ADAT2: variants seen among roughly 807,000 people sequenced by gnomAD.
ADAT2 encodes the protein tRNA-specific adenosine-34 deaminase catalytic subunit ADAT2.
ADAT2 carries 26 observed loss-of-function variants against 25.9 expected under a neutral mutation model. That is an observed-to-expected ratio of 1.00 (90% confidence interval 0.74 to 1.39). The LOEUF is 1.39. ADAT2 is among the 40% of genes most tolerant of loss of function. The pLI is 0.00. For missense variants in ADAT2, 220 were observed against 244.8 expected (o/e 0.90, Z 0.68); for synonymous variants, 76 against 86.8 (o/e 0.88, Z 0.69).
chr6:143,447,963 A>G (rs1386658118), intron 1 of ADAT2, among the ~76,000 whole-genome samples: 3 of 152,224 alleles, frequency 2.0e-5, no homozygotes, highest in Non-Finnish European at 4.4e-5. Flanking sequence ...TTATTGAGGC[A>G]CTATTCACAA....
In ADAT2 at chr6:143,440,704, T is replaced by C. The variant is rs540936571; in HGVS notation, c.97-2010A>G. ...TTGGTTAATATAGACAAATGCACCA[T>C]AGGCTACTATAGAGAAGAAAGCCAG... On this transcript the variant is annotated intron_variant, in intron 1 of 5. Coordinates refer to ENST00000237283, the MANE Select transcript of ADAT2 (RefSeq NM_182503.3). The surrounding 1 kb of genome is among the most constrained non-coding windows in gnomAD (Gnocchi z 4.5). Among the ~76,000 whole-genome samples, 5 of 152,154 alleles carry C rather than the reference T, an allele frequency of 3.3e-5. No homozygotes were observed. Among genetic ancestry groups the C allele is most frequent in the South Asian group, 2.1e-4 (1 of 4,828 alleles).
At position 143,434,672 on chromosome 6, in the gene ADAT2, G is replaced by A. The variant is rs1779215709; in HGVS notation, c.202-691C>T. ...CCCCATATGTAAAATGGTATACACTGGTATCTACACTTATAAACCTTATAA... is the reference window on the plus strand; with the variant it reads ...CCCCATATGTAAAATGGTATACACTAGTATCTACACTTATAAACCTTATAA... On this transcript the variant is annotated intron_variant, in intron 2 of 5. Coordinates refer to ENST00000237283, the MANE Select transcript of ADAT2 (RefSeq NM_182503.3). This position sits in a 1 kb window ranked among gnomAD's most constrained non-coding sequence, Gnocchi z 4.5. 2.0e-5 allele frequency among the ~76,000 whole-genome samples: 3 copies of A among 152,106 alleles called. No homozygotes were observed. Among genetic ancestry groups the A allele is most frequent in the Admixed American group, 2.0e-4 (3 of 15,272 alleles).
In ADAT2 at chr6:143,444,380, T is replaced by C. The variant is rs1476365666; in HGVS notation, c.97-5686A>G. Among the ~76,000 whole-genome samples, 2 of 151,200 alleles carry C rather than the reference T, an allele frequency of 1.3e-5. No homozygotes were observed. Among genetic ancestry groups the C allele is most frequent in the East Asian group, 3.9e-4 (2 of 5,166 alleles). On this transcript the variant is annotated intron_variant, in intron 1 of 5. Transcript: ENST00000237283. This position sits in a 1 kb window ranked among gnomAD's most constrained non-coding sequence, Gnocchi z 4.3. ...GCGGTGAGAATAACACAAAGCCCCA[T>C]GGAAGTGAGTTGAGGGGAACTCCTT...
rs761902221 is a variant in ADAT2 at position 143,433,919 on chromosome 6, G to A, written c.264C>T (p.Gly88=). The A allele has an allele frequency of 6.2e-7, 1 of 1,614,146 alleles. No individual in the cohort carries two copies. Among genetic ancestry groups the A allele is most frequent in the African/African-American group, 1.3e-5 (1 of 75,040 alleles). ...DQVLDWCRQS[G]KSPSEVFEHT... ...GTTCAAATACTTCAGAGGGACTCTTGCCACTTTGACGACACCAATCGAGGA... is the reference window on the plus strand; with the variant it reads ...GTTCAAATACTTCAGAGGGACTCTTACCACTTTGACGACACCAATCGAGGA... The change falls in exon 3 of 6, where the codon GGC becomes GGT. Residue 88 remains glycine (G), a synonymous_variant. Coordinates refer to ENST00000237283, the MANE Select transcript of ADAT2 (RefSeq NM_182503.3).
rs1418052689 is a variant in ADAT2 at position 143,425,921 on chromosome 6, A to G, written c.*2542T>C. On this transcript the variant is annotated 3_prime_UTR_variant, in exon 6 of 6. Coordinates refer to ENST00000237283, the MANE Select transcript of ADAT2 (RefSeq NM_182503.3). Reference sequence around the variant, plus strand: ...GAAGAGATGGTTGTGCCAAGTAACAAGAAAGCACAAAGATATTTTAACATG... The same window carrying G: ...GAAGAGATGGTTGTGCCAAGTAACAGGAAAGCACAAAGATATTTTAACATG... The G allele has an allele frequency of 6.6e-6, 1 of 152,592 alleles. No homozygotes were observed. Among genetic ancestry groups the G allele is most frequent in the Non-Finnish European group, 1.5e-5 (1 of 68,036 alleles). 9.5% of individuals were successfully genotyped at this position (152,592 alleles called of 1,614,324 possible). A position where few individuals can be genotyped will look rare whatever the true frequency, so the allele number is the denominator to read the frequency against.
chr6:143,433,272 G>C (rs941483341), intron 3 of ADAT2, among the ~76,000 whole-genome samples: 1 of 152,154 alleles, frequency 6.6e-6, no homozygotes, highest in East Asian at 1.9e-4. Context: ...TCCCTACAGA[G>C]TCTCTGCACT....
intron 1 of ADAT2, chr6:143,445,030 C>A: frequency 9.0e-7 from 1 of 1,110,550 alleles, no homozygotes; most frequent in South Asian, 1.3e-5. Context: ...GGTAGAACAT[C>A]ATCCTGTCCA....
chr6:143,423,635 A>G lies in ADAT2; in HGVS notation c.*4828T>C, dbSNP rs1778843044. 6.6e-6 allele frequency: 1 copy of G among 152,358 alleles called. No individual in the cohort carries two copies. The highest frequency in any genetic ancestry group is 3.4e-3 in the Middle Eastern group (1 of 294). The allele number at this position is 152,358 out of a possible 1,614,324, so 9.4% of individuals were successfully genotyped here. The stretch of plus-strand genomic sequence containing the variant: ...ATCAGGCTCAGCTCTGAATACAACC[A>G]GAACATGTGGGGGTTTATAACTAAT... On this transcript the variant is annotated 3_prime_UTR_variant, in exon 6 of 6. Transcript: ENST00000237283.
Position 143,434,103 on chromosome 6 carries a change from A to G in ADAT2, c.202-122T>C. ...TTTCTGCCAATATTTTAATGAATAC[A>G]GTTTCAAGACACCCTTAGCAGTGGA... On this transcript the variant is annotated intron_variant, in intron 2 of 5. Coordinates refer to ENST00000237283, the MANE Select transcript of ADAT2 (RefSeq NM_182503.3). The surrounding 1 kb of genome is among the most constrained non-coding windows in gnomAD (Gnocchi z 4.5). 7.9e-7 allele frequency: 1 copy of G among 1,266,728 alleles called. No individual in the cohort carries two copies. The highest frequency in any genetic ancestry group is 1.1e-6 in the Non-Finnish European group (1 of 908,324). The allele number at this position is 1,266,728 out of a possible 1,614,324, so 78.5% of individuals were successfully genotyped here. A position where few individuals can be genotyped will look rare whatever the true frequency, so the allele number is the denominator to read the frequency against.
At position 143,428,939 on chromosome 6, in the gene ADAT2, G is replaced by T. The variant is rs183787916; in HGVS notation, c.460-255C>A. Among the ~76,000 whole-genome samples, 27 of 152,270 alleles carry T rather than the reference G, an allele frequency of 1.8e-4. 1 individual carries two copies. The East Asian group carries it at 3.5e-3, about 20-fold the overall frequency. ...TATTCATCCATTAACTATTATAGAAGTTACCAGCTTTGTGATCTTGGGTTA... is the reference window on the plus strand; with the variant it reads ...TATTCATCCATTAACTATTATAGAATTTACCAGCTTTGTGATCTTGGGTTA... On this transcript the variant is annotated intron_variant, in intron 4 of 5. Transcript: ENST00000237283. The surrounding 1 kb of genome is among the most constrained non-coding windows in gnomAD (Gnocchi z 5.0).
In ADAT2 at chr6:143,440,219, G is replaced by C. The variant is rs561124377; in HGVS notation, c.97-1525C>G. On this transcript the variant is annotated intron_variant, in intron 1 of 5. Coordinates refer to ENST00000237283, the MANE Select transcript of ADAT2 (RefSeq NM_182503.3). This position sits in a 1 kb window ranked among gnomAD's most constrained non-coding sequence, Gnocchi z 4.5. Reference sequence around the variant, plus strand: ...CTGTGGCAGCCCTGAAGAGACTTTGGAAGACTTGATTCTCACTTAAGTGCA... The same window carrying C: ...CTGTGGCAGCCCTGAAGAGACTTTGCAAGACTTGATTCTCACTTAAGTGCA... Among the ~76,000 whole-genome samples the C allele has an allele frequency of 1.3e-5, 2 of 152,230 alleles. No homozygotes were observed. The highest frequency in any genetic ancestry group is 4.1e-4 in the South Asian group (2 of 4,820).
intron 1 of ADAT2, among the ~76,000 whole-genome samples, chr6:143,448,050 T>C (rs1283775343): frequency 6.6e-6 from 1 of 152,190 alleles, no homozygotes; most frequent in Non-Finnish European, 1.5e-5. Context: ...ATATACACCA[T>C]GGAATACTAT....
rs1261753251 is a variant in ADAT2 at position 143,442,749 on chromosome 6, T to A, written c.97-4055A>T. Among the ~76,000 whole-genome samples, 1 of 152,126 alleles carries A rather than the reference T, an allele frequency of 6.6e-6. No homozygotes were observed. The highest frequency in any genetic ancestry group is 6.5e-5 in the Admixed American group (1 of 15,268). ...TTTTGCAATGGGAATTAAAAAGAGA[T>A]GTTTAGTGAGTTTAGAGAAATATTT... is the stretch of plus-strand genomic sequence containing the variant. On this transcript the variant is annotated intron_variant, in intron 1 of 5. Coordinates refer to ENST00000237283, the MANE Select transcript of ADAT2 (RefSeq NM_182503.3). The surrounding 1 kb of genome is among the most constrained non-coding windows in gnomAD (Gnocchi z 4.6).
chr6:143,423,423 CG>C lies in ADAT2; in HGVS notation c.*5039del, dbSNP rs1778838846. On this transcript the variant is annotated 3_prime_UTR_variant, in exon 6 of 6. Transcript: ENST00000237283. ...TCATGAGTGGTACCGAAACCGGCAG[CG>C]GGCTGGATATGGCCCATGGGCCATA... The C allele has an allele frequency of 6.6e-6, 1 of 152,086 alleles. No homozygotes were observed. The highest frequency in any genetic ancestry group is 1.5e-5 in the Non-Finnish European group (1 of 68,010). The allele number at this position is 152,086 out of a possible 1,614,324, so 9.4% of individuals were successfully genotyped here.
In ADAT2 at chr6:143,423,639, C is replaced by T. The variant is rs1168295308; in HGVS notation, c.*4824G>A. 1 of 152,138 alleles carries T rather than the reference C, an allele frequency of 6.6e-6. No homozygotes were observed. Among genetic ancestry groups the T allele is most frequent in the Non-Finnish European group, 1.5e-5 (1 of 68,034 alleles). 9.4% of individuals were successfully genotyped at this position (152,138 alleles called of 1,614,324 possible). ...GGCTCAGCTCTGAATACAACCAGAA[C>T]ATGTGGGGGTTTATAACTAATGGGC... On this transcript the variant is annotated 3_prime_UTR_variant, in exon 6 of 6. Coordinates refer to ENST00000237283, the MANE Select transcript of ADAT2 (RefSeq NM_182503.3).
chr6:143,429,315 A>T (rs889538001), intron 4 of ADAT2, among the ~76,000 whole-genome samples: 2 of 152,208 alleles, frequency 1.3e-5, no homozygotes, highest in Non-Finnish European at 2.9e-5. Context: ...TTACTAGTTA[A>T]CCCTTTGCAG....
rs912295800 is a variant in ADAT2 at position 143,434,883 on chromosome 6, C to T, written c.202-902G>A. 6.6e-6 allele frequency among the ~76,000 whole-genome samples: 1 copy of T among 152,134 alleles called. No homozygotes were observed. The highest frequency in any genetic ancestry group is 1.5e-5 in the Non-Finnish European group (1 of 68,028). On this transcript the variant is annotated intron_variant, in intron 2 of 5. Coordinates refer to ENST00000237283, the MANE Select transcript of ADAT2 (RefSeq NM_182503.3). The surrounding 1 kb of genome is among the most constrained non-coding windows in gnomAD (Gnocchi z 4.5). ...ATTTACACTGAGTATTAACCATGCA[C>T]AAGCCACTGGGCTAAATAAATTCTG...
Position 143,427,134 on chromosome 6 carries a change from C to CACACACACACACACACA in ADAT2, c.*1328_*1329insTGTGTGTGTGTGTGTGT. 1 of 151,546 alleles carries CACACACACACACACACA rather than the reference C, an allele frequency of 6.6e-6. No homozygotes were observed. Among genetic ancestry groups the CACACACACACACACACA allele is most frequent in the South Asian group, 2.1e-4 (1 of 4,774 alleles). The allele number at this position is 151,546 out of a possible 1,614,324, so 9.4% of individuals were successfully genotyped here. ...ACACACACACACACACACACACACA[C>CACACACACACACACACA]AAAACCAAGCAATTATAAGTCCTCT... is the stretch of plus-strand genomic sequence containing the variant. On this transcript the variant is annotated 3_prime_UTR_variant, in exon 6 of 6. Coordinates refer to ENST00000237283, the MANE Select transcript of ADAT2 (RefSeq NM_182503.3).
At chr6:143,429,731 A>C (rs1050734362) in intron 4 of ADAT2, among the ~76,000 whole-genome samples, 1 of 152,232 alleles carries the variant, frequency 6.6e-6, no homozygotes, top group Non-Finnish European at 1.5e-5. Context: ...ATGAAGTGAC[A>C]CAATGAGCAT....
Sources: gnomAD v4.1 joint callset for allele counts (sites outside exome capture counted in the v4.1 genomes callset) on GRCh38, gnomAD v4.1.1 for gene constraint, Gnocchi (gnomAD v3.1) non-coding constraint, MANE v1.5 for transcripts, NCBI Gene and HGNC (gene_info 2026-07-23, HGNC 2026-07-21) for gene names.